MARK4: variants seen among roughly 807,000 people sequenced by gnomAD.
MARK4 encodes the protein microtubule affinity regulating kinase 4, also known as MAP/microtubule affinity-regulating kinase 4.
A neutral mutation model predicts 81.5 loss-of-function variants in MARK4; 19 were observed. That is an observed-to-expected ratio of 0.23 (90% CI 0.16 to 0.34). The LOEUF is 0.34. Ranked by LOEUF, MARK4 falls within the 10% of genes least tolerant of loss-of-function variation. The pLI, the probability that MARK4 is intolerant of heterozygous loss-of-function variation, is 1.00. For missense variants in MARK4, 772 were observed against 1,058.8 expected, an observed-to-expected ratio of 0.73 and a Z score of 3.76; for synonymous variants, 436 against 439.0, an observed-to-expected ratio of 0.99 and a Z score of 0.08.
chr19:45,295,715 G>A lies in MARK4; in HGVS notation c.1598+1263G>A, dbSNP rs145058586. The stretch of plus-strand genomic sequence containing the variant: ...AATCGCTTGAACCTGGGAGGCAGAG[G>A]TTGCAGTGAGCTGGGATTGCGCCAC... On this transcript the variant is annotated intron_variant, in intron 14 of 16. Transcript: ENST00000262891. Among the ~76,000 whole-genome samples, 815 of 152,124 alleles carry A rather than the reference G, an allele frequency of 5.4e-3. 15 individuals carry two copies. The highest frequency in any genetic ancestry group is 0.018 in the African/African-American group (765 of 41,500).
At chr19:45,294,701 T>G (rs1970864180) in intron 14 of MARK4, among the ~76,000 whole-genome samples, 1 of 152,170 alleles carries the variant, frequency 6.6e-6, no homozygotes, top group Non-Finnish European at 1.5e-5. Flanking sequence ...GGAACCTGAA[T>G]TGATTTTTTG....
intron 4 of MARK4, 34 bp from the exon 5 acceptor site, chr19:45,264,650 C>G (rs1454408423): frequency 5.0e-6 from 8 of 1,607,468 alleles, no homozygotes; most frequent in Non-Finnish European, 6.8e-6. Context: ...GGCCCTTTCT[C>G]CCTAATGCCC....
Position 45,251,439 on chromosome 19 carries a change from C to T in MARK4, c.-150C>T. Reference sequence around the variant, plus strand: ...CGTCCCTTCCCCTCCCCCGCCCTGCCCCCTCTCCCGCCGCGCGGACCCGGG... The same window carrying T: ...CGTCCCTTCCCCTCCCCCGCCCTGCTCCCTCTCCCGCCGCGCGGACCCGGG... On this transcript the variant is annotated 5_prime_UTR_variant, in exon 1 of 17. Transcript: ENST00000262891. 2.0e-6 allele frequency: 1 copy of T among 506,852 alleles called. No individual in the cohort carries two copies. The highest frequency in any genetic ancestry group is 2.8e-5 in the South Asian group (1 of 35,800). The allele number at this position is 506,852 out of a possible 1,614,324, so 31.4% of individuals were successfully genotyped here.
chr19:45,252,143 G>A (rs1427833246), intron 1 of MARK4, among the ~76,000 whole-genome samples: 1 of 151,868 alleles, frequency 6.6e-6, no homozygotes, highest in East Asian at 2.0e-4. Context: ...CTTATTCCCA[G>A]CCCTCTGCCC....
chr19:45,264,677 A>G lies in MARK4; in HGVS notation c.356-7A>G, dbSNP rs956380832. 2 of 1,614,004 alleles carry G rather than the reference A, an allele frequency of 1.2e-6. No homozygotes were observed. The highest frequency in any genetic ancestry group is 1.7e-5 in the Admixed American group (1 of 59,996). On this transcript the variant is annotated splice_region_variant and splice_polypyrimidine_tract_variant and intron_variant, in intron 4 of 16. Transcript: ENST00000262891. ...CTAATGCCCTACACTGTTCCCAACCATTATAGTGAAGCTCTTTGAGGTGAT... is the reference window on the plus strand; with the variant it reads ...CTAATGCCCTACACTGTTCCCAACCGTTATAGTGAAGCTCTTTGAGGTGAT...
intron 16 of MARK4, among the ~76,000 whole-genome samples, chr19:45,300,201 C>A (rs550291842): frequency 6.6e-6 from 1 of 151,966 alleles, no homozygotes; most frequent in Non-Finnish European, 1.5e-5. Flanking sequence ...AAAAATTAGC[C>A]GGGCGTAGTG....
At chr19:45,258,903 T>C in intron 1 of MARK4, 86 bp from the exon 2 acceptor site, 1 of 1,430,196 alleles carries the variant, frequency 7.0e-7, no homozygotes, top group South Asian at 1.3e-5. Flanking sequence ...GAGGGGCCGG[T>C]AGCCAGGCCT....
In MARK4 at chr19:45,251,446, C is replaced by G; in HGVS notation, c.-143C>G. The G allele has an allele frequency of 4.2e-6, 2 of 477,164 alleles. No homozygotes were observed. The highest frequency in any genetic ancestry group is 7.4e-6 in the Non-Finnish European group (2 of 271,718). 29.6% of individuals were successfully genotyped at this position (477,164 alleles called of 1,614,324 possible). A position where few individuals can be genotyped will look rare whatever the true frequency, so the allele number is the denominator to read the frequency against. ...TCCCCTCCCCCGCCCTGCCCCCTCT[C>G]CCGCCGCGCGGACCCGGGCGTTCTC... On this transcript the variant is annotated 5_prime_UTR_variant, in exon 1 of 17. Coordinates refer to ENST00000262891, the MANE Select transcript of MARK4 (RefSeq NM_001199867.2).
intron 2 of MARK4, 54 bp downstream of exon 2, chr19:45,259,243 T>A: frequency 6.3e-7 from 1 of 1,587,938 alleles, no homozygotes; most frequent in Non-Finnish European, 8.6e-7. Flanking sequence ...GACCAGGTCT[T>A]CGGTGTATGT....
chr19:45,287,490 G>T lies in MARK4; in HGVS notation c.1320G>T (p.Thr440=). 2 of 1,507,500 alleles carry T rather than the reference G, an allele frequency of 1.3e-6. No individual in the cohort carries two copies. The highest frequency in any genetic ancestry group is 1.8e-6 in the Non-Finnish European group (2 of 1,123,364). The allele number at this position is 1,507,500 out of a possible 1,614,324, so 93.4% of individuals were successfully genotyped here. ...CCCTGCACCCCAAACGCAGCCCGAC[G>T]AGCACGGGGGAGGCGGAGCTGAAGG... The part of the protein sequence containing the change: ...PAPLHPKRSP[T]STGEAELKEE... The change falls in exon 13 of 17, where the codon ACG becomes ACT. Residue 440 remains threonine (T), a synonymous_variant. Transcript: ENST00000262891.
At chr19:45,282,449 T>C (rs1010545248) in intron 12 of MARK4, among the ~76,000 whole-genome samples, 6 of 151,604 alleles carry the variant, frequency 4.0e-5, no homozygotes, top group Admixed American at 3.3e-4. Context: ...CCCAGCACTT[T>C]GGGAGGCTGA....
chr19:45,281,985 A>AGGCC (rs1970681010), intron 12 of MARK4, among the ~76,000 whole-genome samples: 1 of 152,000 alleles, frequency 6.6e-6, no homozygotes, highest in African/African-American at 2.4e-5. Context: ...ATCCCTTGGG[A>AGGCC]GGCCGAGGTG....
chr19:45,258,734 G>A (rs1307955586), intron 1 of MARK4, among the ~76,000 whole-genome samples: 1 of 152,008 alleles, frequency 6.6e-6, no homozygotes, highest in Non-Finnish European at 1.5e-5. Flanking sequence ...GTTGGGGGTA[G>A]TCAGACTGCA....
At chr19:45,279,993 T>C (rs2123070431) in intron 10 of MARK4, among the ~76,000 whole-genome samples, 1 of 152,204 alleles carries the variant, frequency 6.6e-6, no homozygotes, top group South Asian at 2.1e-4. Context: ...CAATGTGCTG[T>C]TGGGAAGGGA....
chr19:45,256,095 A>G (rs1282566812), intron 1 of MARK4, among the ~76,000 whole-genome samples: 2 of 152,202 alleles, frequency 1.3e-5, no homozygotes, highest in African/African-American at 4.8e-5. Flanking sequence ...AGTGTTTCCC[A>G]TGGAAGGAGG....
chr19:45,287,680 T>TG lies in MARK4; in HGVS notation c.1494+22dup. The TG allele has an allele frequency of 6.2e-7, 1 of 1,602,250 alleles. No homozygotes were observed. Among genetic ancestry groups the TG allele is most frequent in the Non-Finnish European group, 8.5e-7 (1 of 1,174,076 alleles). On this transcript the variant is annotated intron_variant, in intron 13 of 16. Coordinates refer to ENST00000262891, the MANE Select transcript of MARK4 (RefSeq NM_001199867.2). The stretch of plus-strand genomic sequence containing the variant: ...GAGCACCCCCGTGAGTGACCAGGGC[T>TG]GGGGGGCAGGGCTGGGGGCGCCACC...
At chr19:45,265,826 G>A (rs1246657904) in intron 6 of MARK4, among the ~76,000 whole-genome samples, 3 of 151,058 alleles carry the variant, frequency 2.0e-5, no homozygotes, top group Non-Finnish European at 4.4e-5. Context: ...TGAGGGTGCC[G>A]GGCATGTCGG....
rs1312950983 is a variant in MARK4, at chr19:45,259,168, G to T, written c.231G>T (p.Arg77=). The change falls in exon 2 of 17, where the codon CGG becomes CGT. Residue 77 remains arginine, a synonymous_variant. Transcript: ENST00000262891. ...ACTTTGCCAAAGTCAAGCTGGCTCG[G>T]CACATCCTCACTGGTCGGGAGGTGA... ...KGNFAKVKLA[R]HILTGREVAI... 6.2e-7 allele frequency: 1 copy of T among 1,614,078 alleles called. No individual in the cohort carries two copies. Among genetic ancestry groups the T allele is most frequent in the South Asian group, 1.1e-5 (1 of 91,074 alleles).
chr19:45,276,465 C>T (rs544082371), intron 8 of MARK4, among the ~76,000 whole-genome samples: 8 of 152,136 alleles, frequency 5.3e-5, no homozygotes, highest in African/African-American at 1.7e-4. Context: ...CCATGAATGG[C>T]CTTGAGGAGT....
Sources: allele counts gnomAD v4.1 joint callset (sites outside exome capture counted in the v4.1 genomes callset), GRCh38; gene constraint gnomAD v4.1.1; transcripts MANE v1.5; gene names NCBI Gene and HGNC (gene_info 2026-07-23, HGNC 2026-07-21).